The following RNF103 variants were observed in gnomAD, a reference collection of about 807,000 sequenced individuals.
RNF103 encodes ring finger protein 103.
In RNF103, 23 loss-of-function variants were observed where a neutral mutation model predicts 66.2. The observed-to-expected ratio is 0.35, with a 90% CI of 0.25 to 0.49. The LOEUF (loss-of-function observed/expected upper bound fraction) is 0.49, where lower values mean the gene tolerates loss of function less well. Ranked by LOEUF, RNF103 falls within the 20% of genes least tolerant of loss-of-function variation. The pLI is 0.98. For synonymous variants in RNF103, 297 were observed against 289.9 expected (o/e 1.02, Z -0.25); for missense variants, 730 against 814.7 (o/e 0.90, Z 1.27).
intron 1 of RNF103, among the ~76,000 whole-genome samples, chr2:86,622,077 G>A (rs552566543): frequency 1.5e-4 from 23 of 152,150 alleles, no homozygotes; most frequent in African/African-American, 5.3e-4. Flanking sequence ...ACTCGAACAT[G>A]GCAGGCATTT....
At chr2:86,615,149 A>G (rs552740246) in intron 2 of RNF103, 1 of 985,388 alleles carries the variant, frequency 1.0e-6, no homozygotes, top group African/African-American at 1.7e-5. Context: ...AGAGTTGGGA[A>G]CATACCTGGG....
At chr2:86,613,488 G>C (rs1222749563) in intron 2 of RNF103, 3 of 152,026 alleles carry the variant, frequency 2.0e-5, no homozygotes, top group Admixed American at 6.6e-5. Context: ...AGGGTATATA[G>C]GCCAAGTTTA....
Position 86,612,194 on chromosome 2 carries a change from T to C in RNF103, c.447A>G (p.Ile149Met), listed in dbSNP as rs1293760202. The change falls in exon 3 of 4, where the codon ATA becomes ATG. Residue 149 changes from isoleucine to methionine, a missense_variant. Ile to Met is a conservative substitution (Grantham distance 10). Transcript: ENST00000237455. ...KMVKKVSRFGIRTGTFNCSSD... is the reference protein window; with the variant it reads ...KMVKKVSRFGMRTGTFNCSSD... Reference sequence around the variant, plus strand: ...TGGAACAGTTAAATGTGCCTGTACGTATTCCAAATCTTGACACCTTTTTAA... The same window carrying C: ...TGGAACAGTTAAATGTGCCTGTACGCATTCCAAATCTTGACACCTTTTTAA... 1 of 1,613,672 alleles carries C rather than the reference T, an allele frequency of 6.2e-7. No homozygotes were observed. The highest frequency in any genetic ancestry group is 1.7e-5 in the Admixed American group (1 of 59,962).
intron 3 of RNF103, among the ~76,000 whole-genome samples, chr2:86,606,468 T>C (rs564180483): frequency 6.6e-6 from 1 of 151,860 alleles, no homozygotes; most frequent in Admixed American, 6.6e-5. Context: ...ATTGAGACCA[T>C]CCTGGCCAAC....
intron 1 of RNF103, among the ~76,000 whole-genome samples, chr2:86,622,023 C>A (rs1038637574): frequency 6.7e-6 from 1 of 149,220 alleles, no homozygotes; most frequent in Admixed American, 6.8e-5. Context: ...TTTTACACAT[C>A]CAAGATGCAA....
Position 86,605,318 on chromosome 2 carries a change from G to A in RNF103, c.583C>T (p.Arg195Cys), listed in dbSNP as rs752277962. Reference sequence around the variant, plus strand: ...AAAATGTGCTCTACTTCAATCTTGCGTCCACTGTATTCTTTAAGCATGACT... The same window carrying A: ...AAAATGTGCTCTACTTCAATCTTGCATCCACTGTATTCTTTAAGCATGACT... ...GKVMLKEYSGRKIEVEHIFKW... is the reference protein window; with the variant it reads ...GKVMLKEYSGCKIEVEHIFKW... Residue 195 changes from arginine to cysteine, a missense_variant, in exon 4 of 4, where the codon CGC (arginine) becomes TGC (cysteine). By Grantham distance (180) the Arg-to-Cys change is radical. Around this residue, in one of 3 missense-constraint regions of RNF103, gnomAD observed 327 missense variants for 369.8 expected, o/e 0.88. Transcript: ENST00000237455. The A allele has an allele frequency of 1.1e-5, 17 of 1,613,956 alleles. No homozygotes were observed. Among genetic ancestry groups the A allele is most frequent in the Admixed American group, 3.3e-5 (2 of 59,986 alleles).
chr2:86,607,446 T>G (rs1429784802), intron 3 of RNF103, among the ~76,000 whole-genome samples: 2 of 152,232 alleles, frequency 1.3e-5, no homozygotes. Context: ...AGGTTAGTGA[T>G]GACTCTGGAA....
chr2:86,608,992 T>C (rs1678678935), intron 3 of RNF103, among the ~76,000 whole-genome samples: 1 of 152,184 alleles, frequency 6.6e-6, no homozygotes. Context: ...TACTCTGGTT[T>C]GGTTATGGTT....
chr2:86,623,240 G>T lies in RNF103; in HGVS notation c.-354C>A. The T allele has an allele frequency of 2.0e-6, 2 of 1,009,406 alleles. No individual in the cohort carries two copies. Among genetic ancestry groups the T allele is most frequent in the Non-Finnish European group, 2.4e-6 (2 of 847,400 alleles). 62.5% of individuals were successfully genotyped at this position (1,009,406 alleles called of 1,614,324 possible). A position where few individuals can be genotyped will look rare whatever the true frequency, so the allele number is the denominator to read the frequency against. ...ACAAAACGAGGGACGCTTCCCCCGG[G>T]GCGGGCACTGACCCAGGTGGCGGGG... On this transcript the variant is annotated 5_prime_UTR_variant, in exon 1 of 4. Transcript: ENST00000237455.
intron 2 of RNF103, chr2:86,615,195 T>C (rs1678968665): frequency 3.0e-6 from 3 of 985,426 alleles, no homozygotes; most frequent in Non-Finnish European, 3.6e-6. Flanking sequence ...CAGGGCCTTA[T>C]TTATTCAGCA....
chr2:86,605,841 G>A (rs192421794), intron 3 of RNF103, among the ~76,000 whole-genome samples: 1 of 152,324 alleles, frequency 6.6e-6, no homozygotes, highest in East Asian at 1.9e-4. Context: ...TTGGGCTGGT[G>A]CAGATTTCAT....
intron 2 of RNF103, chr2:86,618,057 T>C (rs576765428): frequency 1.9e-4 from 87 of 449,244 alleles, no homozygotes; most frequent in Non-Finnish European, 3.3e-4. Context: ...TTTCCATACA[T>C]AGAAAAACCA....
chr2:86,623,180 A>C lies in RNF103; in HGVS notation c.-294T>G. 1.1e-5 allele frequency: 12 copies of C among 1,051,630 alleles called. No individual in the cohort carries two copies. The highest frequency in any genetic ancestry group is 1.6e-4 in the East Asian group (2 of 12,212). 65.1% of individuals were successfully genotyped at this position (1,051,630 alleles called of 1,614,324 possible). On this transcript the variant is annotated 5_prime_UTR_variant, in exon 1 of 4. Transcript: ENST00000237455. ...AAAACCCCCATCCATTAAGCACAGA[A>C]AGGAGAGGGGCGCGGGGAGAGCTCG... is the stretch of plus-strand genomic sequence containing the variant.
intron 1 of RNF103, 24 bp downstream of exon 1, chr2:86,622,637 C>T: frequency 1.2e-6 from 2 of 1,612,944 alleles, no homozygotes; most frequent in Non-Finnish European, 1.7e-6. Context: ...GTGGAGGGGA[C>T]CCTAGGGGAA....
chr2:86,615,027 G>T, intron 2 of RNF103: 2 of 985,348 alleles, frequency 2.0e-6, no homozygotes, highest in Non-Finnish European at 2.4e-6. Flanking sequence ...CACTGCACAG[G>T]TATCTTTGAG....
chr2:86,604,497 G>C lies in RNF103; in HGVS notation c.1404C>G (p.His468Gln). 1.2e-6 allele frequency: 2 copies of C among 1,614,244 alleles called. No individual in the cohort carries two copies. Among genetic ancestry groups the C allele is most frequent in the Non-Finnish European group, 8.5e-7 (1 of 1,180,052 alleles). Reference protein sequence around the residue: ...LWDWYTSYLFHPIASFQNFPV... With the variant: ...LWDWYTSYLFQPIASFQNFPV... ...GAAAGTTCTGAAAAGAAGCAATCGG[G>C]TGGAAGAGGTAGCTGGTGTACCAGT... Residue 468 changes from histidine to glutamine, a missense_variant, in exon 4 of 4, where the codon CAC becomes CAG. Coordinates refer to ENST00000237455, the MANE Select transcript of RNF103 (RefSeq NM_005667.4).
chr2:86,615,095 C>G, intron 2 of RNF103: 1 of 985,374 alleles, frequency 1.0e-6, no homozygotes, highest in Non-Finnish European at 1.2e-6. Context: ...GGGTTCTTCC[C>G]AGGTACCTCT....
chr2:86,610,262 T>C (rs1247393546), intron 3 of RNF103, among the ~76,000 whole-genome samples: 1 of 152,214 alleles, frequency 6.6e-6, no homozygotes, highest in South Asian at 2.1e-4. Flanking sequence ...GCTTCAATTG[T>C]AAATAAGAGG....
chr2:86,622,952 G>C lies in RNF103; in HGVS notation c.-66C>G. On this transcript the variant is annotated 5_prime_UTR_variant, in exon 1 of 4. Coordinates refer to ENST00000237455, the MANE Select transcript of RNF103 (RefSeq NM_005667.4). ...CGGGAGAGAGAAGGGTCGAGGGCGG[G>C]GGCCGCGGCTCGGTGGCAGCTTGGG... The C allele has an allele frequency of 6.7e-7, 1 of 1,501,426 alleles. No individual in the cohort carries two copies. Among genetic ancestry groups the C allele is most frequent in the South Asian group, 1.3e-5 (1 of 78,624 alleles). The allele number at this position is 1,501,426 out of a possible 1,614,324, so 93.0% of individuals were successfully genotyped here. A position where few individuals can be genotyped will look rare whatever the true frequency, so the allele number is the denominator to read the frequency against.
Sources: allele counts gnomAD v4.1 joint callset (sites outside exome capture counted in the v4.1 genomes callset), GRCh38; gene constraint gnomAD v4.1.1; regional missense constraint gnomAD v4.1.1; transcripts MANE v1.5; gene names NCBI Gene and HGNC (gene_info 2026-07-23, HGNC 2026-07-21).